Variants in ABCA1 observed in about 807,000 individuals in gnomAD.
ABCA1 encodes ATP binding cassette subfamily A member 1.
ABCA1 carries 133 observed loss-of-function variants against 262.5 expected under a neutral mutation model. That is an observed-to-expected ratio of 0.51 (90% CI 0.44 to 0.59). The LOEUF (loss-of-function observed/expected upper bound fraction) is 0.59, where lower values mean the gene tolerates loss of function less well. ABCA1 is among the 20% of genes least tolerant of loss of function. The probability of loss-of-function intolerance (pLI) is 0.00; values close to 1 mark genes in which losing one functional copy is unlikely to be tolerated. For missense variants in ABCA1, 2,452 were observed against 2,777.5 expected (o/e 0.88, Z 2.63); for synonymous variants, 1,022 against 1,043.5 (o/e 0.98, Z 0.40).
Position 104,810,886 on chromosome 9 carries a change from C to T in ABCA1, c.4089G>A (p.Val1363=), listed in dbSNP as rs1312875133. The T allele has an allele frequency of 6.2e-7, 1 of 1,614,076 alleles. No homozygotes were observed. Among genetic ancestry groups the T allele is most frequent in the African/African-American group, 1.3e-5 (1 of 74,920 alleles). ...CAAAGGGTGGCACGATCAGGCTGAA[C>T]ACAAGGGCAATGCAGACAAACACAG... ...LPAVFVCIAL[V]FSLIVPPFGK... The change falls in exon 29 of 50, where the codon GTG becomes GTA. Residue 1363 remains valine, a synonymous_variant. Transcript: ENST00000374736.
In ABCA1 at chr9:104,866,607, G is replaced by A. The variant is rs533920940; in HGVS notation, c.422-4807C>T. On this transcript the variant is annotated intron_variant, in intron 5 of 49. Transcript: ENST00000374736. ...AGCAATTCTCCTGCCTCAGCCTCCC[G>A]AGTTGTTGGGATTACAGGCACCCGC... Among the ~76,000 whole-genome samples the A allele has an allele frequency of 5.3e-5, 8 of 151,970 alleles. No individual in the cohort carries two copies. The South Asian group carries it at 6.2e-4, about 12-fold the overall frequency.
At chr9:104,871,041 G>A (rs565574782) in intron 5 of ABCA1, among the ~76,000 whole-genome samples, 7 of 152,342 alleles carry the variant, frequency 4.6e-5, no homozygotes, top group South Asian at 2.1e-4. Flanking sequence ...CCATCTGGGC[G>A]TATATGTGCA....
In ABCA1 at chr9:104,799,777, T is replaced by C. The variant is rs1202360922; in HGVS notation, c.4943+42A>G. ...TTTTCTCCCCTTCTCCATAACCCTC[T>C]CCCTTGCCCCACTCCATCTATACAG... is the stretch of plus-strand genomic sequence containing the variant. On this transcript the variant is annotated intron_variant, in intron 36 of 49. Transcript: ENST00000374736. The C allele has an allele frequency of 2.5e-6, 4 of 1,614,022 alleles. No homozygotes were observed. The South Asian group carries it at 4.4e-5, about 18-fold the overall frequency.
Position 104,794,494 on chromosome 9 carries a change from T to C in ABCA1, c.5399A>G (p.Asn1800Ser), listed in dbSNP as rs771104717. The change falls in exon 40 of 50, where the codon AAT becomes AGT. Residue 1800 changes from asparagine to serine, a missense_variant. Transcript: ENST00000374736. ...CAAGAACACGGACTTCAGGATATCA[T>C]TGATATTATTCAGCTTCTAAAAAAA... ...LFTDNKLNNI[N>S]DILKSVFLIF... 2.8e-5 allele frequency: 44 copies of C among 1,582,020 alleles called. No individual in the cohort carries two copies. Among genetic ancestry groups the C allele is most frequent in the East Asian group, 6.8e-5 (3 of 44,038 alleles).
intron 2 of ABCA1, among the ~76,000 whole-genome samples, chr9:104,892,354 T>A (rs1195803155): frequency 6.9e-6 from 1 of 143,902 alleles, no homozygotes; most frequent in Non-Finnish European, 1.5e-5. Context: ...TATACATATA[T>A]ATCACATTGC....
At position 104,831,146 on chromosome 9, in the gene ABCA1, C is replaced by CAAAA. The variant is rs752630261; in HGVS notation, c.1716-46_1716-45insTTTT. 5 of 720,816 alleles carry CAAAA rather than the reference C, an allele frequency of 6.9e-6. No homozygotes were observed. The East Asian group carries it at 1.5e-4, about 21-fold the overall frequency. 44.7% of individuals were successfully genotyped at this position (720,816 alleles called of 1,614,324 possible). A position where few individuals can be genotyped will look rare whatever the true frequency, so the allele number is the denominator to read the frequency against. ...AATCAACCATTCCTTTAGAACCATA[C>CAAAA]AATAAAAAAAAAAAAAAAAAAAAAT... On this transcript the variant is annotated intron_variant, in intron 13 of 49. Coordinates refer to ENST00000374736, the MANE Select transcript of ABCA1 (RefSeq NM_005502.4).
intron 40 of ABCA1, among the ~76,000 whole-genome samples, chr9:104,793,654 G>C (rs1005156825): frequency 6.6e-6 from 1 of 152,068 alleles, no homozygotes; most frequent in African/African-American, 2.4e-5. Flanking sequence ...TAAATTCTAA[G>C]TTTTAGTAAT....
chr9:104,924,891 AG>A (rs764505931), intron 1 of ABCA1, among the ~76,000 whole-genome samples: 2 of 152,240 alleles, frequency 1.3e-5, no homozygotes, highest in Non-Finnish European at 2.9e-5. Context: ...CTCTCCAAAA[AG>A]GTAAGTACTA....
intron 26 of ABCA1, 31 bp from the exon 27 acceptor site, chr9:104,814,262 T>G (rs555027461): frequency 3.7e-6 from 6 of 1,610,176 alleles, no homozygotes; most frequent in Non-Finnish European, 5.1e-6. Flanking sequence ...TCCCATACTT[T>G]ATTTTATTTA....
intron 9 of ABCA1, among the ~76,000 whole-genome samples, chr9:104,840,037 A>C (rs908772392): frequency 6.6e-6 from 1 of 152,240 alleles, no homozygotes; most frequent in African/African-American, 2.4e-5. Context: ...TTGGCTGTCA[A>C]TCATTCATTC....
intron 1 of ABCA1, among the ~76,000 whole-genome samples, chr9:104,923,040 GTTTATC>G (rs1842230558): frequency 6.6e-6 from 1 of 152,028 alleles, no homozygotes; most frequent in African/African-American, 2.4e-5. Flanking sequence ...TTGAAACTGT[GTTTATC>G]TTCCAAAAAT....
chr9:104,811,792 C>G (rs1435548225), intron 28 of ABCA1, among the ~76,000 whole-genome samples: 1 of 152,150 alleles, frequency 6.6e-6, no homozygotes, highest in African/African-American at 2.4e-5. Flanking sequence ...CAATGGTCAT[C>G]ATCAACAAAC....
intron 44 of ABCA1, among the ~76,000 whole-genome samples, chr9:104,789,120 G>T (rs1364725206): frequency 6.6e-6 from 1 of 152,196 alleles, no homozygotes; most frequent in Non-Finnish European, 1.5e-5. Flanking sequence ...AGCCACAGCG[G>T]CATTGCCATG....
intron 18 of ABCA1, 128 bp downstream of exon 18, chr9:104,824,337 T>G: frequency 6.5e-7 from 1 of 1,533,798 alleles, no homozygotes; most frequent in Non-Finnish European, 8.8e-7. Context: ...GGACACTGCA[T>G]GTGATTTCTC....
At chr9:104,813,928 G>C (rs1830916134) in intron 27 of ABCA1, among the ~76,000 whole-genome samples, 190 bp downstream of exon 27, 2 of 152,222 alleles carry the variant, frequency 1.3e-5, no homozygotes, top group Non-Finnish European at 2.9e-5. Context: ...ATATGGATAG[G>C]CTCTTTCAGG....
At chr9:104,887,788 G>A (rs895229394) in intron 3 of ABCA1, among the ~76,000 whole-genome samples, 7 of 143,064 alleles carry the variant, frequency 4.9e-5, no homozygotes, top group East Asian at 2.1e-4. Context: ...GTGCAATGGC[G>A]CAATCTCGGC....
rs1189206099 is a variant in ABCA1, at chr9:104,782,446, G to A, written c.*1869C>T. On this transcript the variant is annotated 3_prime_UTR_variant, in exon 50 of 50. Coordinates refer to ENST00000374736, the MANE Select transcript of ABCA1 (RefSeq NM_005502.4). Reference sequence around the variant, plus strand: ...GGAAAAAGTGGAAGAAGTTAGTAATGATATTGAAAGATCACTTGAACTTCC... The same window carrying A: ...GGAAAAAGTGGAAGAAGTTAGTAATAATATTGAAAGATCACTTGAACTTCC... 1 of 152,060 alleles carries A rather than the reference G, an allele frequency of 6.6e-6. No homozygotes were observed. Among genetic ancestry groups the A allele is most frequent in the East Asian group, 1.9e-4 (1 of 5,186 alleles). 9.4% of individuals were successfully genotyped at this position (152,060 alleles called of 1,614,324 possible). A position where few individuals can be genotyped will look rare whatever the true frequency, so the allele number is the denominator to read the frequency against.
rs1831244663 is a variant in ABCA1 at position 104,811,140 on chromosome 9, A to T, written c.4051-216T>A. Among the ~76,000 whole-genome samples, 3 of 152,246 alleles carry T rather than the reference A, an allele frequency of 2.0e-5. No individual in the cohort carries two copies. The South Asian group carries it at 6.2e-4, about 31-fold the overall frequency. On this transcript the variant is annotated intron_variant, in intron 28 of 49. Transcript: ENST00000374736. ...ACTAAACCTTTTCTCTGGCAACACA[A>T]GGCCAGAGGTTATGGCCACCTGGCA...
rs9282544 is a variant in ABCA1, at chr9:104,824,405, A to G, written c.2656+60T>C. ...AGGCAGGAGACATCGCTTGCCCCCA[A>G]CAGTTAGCAGAGGCAGCAGCACTAG... On this transcript the variant is annotated intron_variant, in intron 18 of 49. Transcript: ENST00000374736. 4,731 of 1,610,852 alleles carry G rather than the reference A, an allele frequency of 2.9e-3. 89 individuals are homozygous for G. The African/African-American group carries it at 0.047, about 16-fold the overall frequency.
Sources: gnomAD v4.1 joint callset for allele counts (sites outside exome capture counted in the v4.1 genomes callset) on GRCh38, gnomAD v4.1.1 for gene constraint, MANE v1.5 for transcripts, NCBI Gene and HGNC (gene_info 2026-07-23, HGNC 2026-07-21) for gene names.